The following NKAIN3 variants were observed in gnomAD, a reference collection of about 807,000 sequenced individuals.
NKAIN3 encodes the protein sodium/potassium-transporting ATPase subunit beta-1-interacting protein 3.
NKAIN3 carries 25 observed loss-of-function variants against 30.2 expected under a neutral mutation model. That is an observed-to-expected ratio of 0.83 (90% CI 0.60 to 1.16). NKAIN3 has a LOEUF of 1.16. Ranked by LOEUF, NKAIN3 falls within the 50% of genes most tolerant of loss-of-function variation. The pLI is 0.00. For missense variants in NKAIN3, 225 were observed against 254.1 expected (o/e 0.89, Z 0.78); for synonymous variants, 91 against 89.6 (o/e 1.02, Z -0.09).
At chr8:62,331,434 T>C (rs1815353061) in intron 1 of NKAIN3, among the ~76,000 whole-genome samples, 1 of 152,100 alleles carries the variant, frequency 6.6e-6, no homozygotes, top group Admixed American at 6.6e-5. Flanking sequence ...TCCAAACTCC[T>C]TGAAGGCAGG....
intron 1 of NKAIN3, among the ~76,000 whole-genome samples, chr8:62,438,922 G>A (rs1352410819): frequency 6.6e-6 from 1 of 152,136 alleles, no homozygotes. Context: ...ATCCTCACAG[G>A]GGCTGATTGA....
chr8:62,411,600 A>G (rs567620481), intron 1 of NKAIN3, among the ~76,000 whole-genome samples: 7 of 152,360 alleles, frequency 4.6e-5, no homozygotes, highest in Middle Eastern at 3.4e-3. Flanking sequence ...AAATAGGAAA[A>G]GAAGATGTCA....
chr8:62,546,111 C>T (rs1163073171), intron 1 of NKAIN3, among the ~76,000 whole-genome samples: 2 of 152,122 alleles, frequency 1.3e-5, no homozygotes, highest in Admixed American at 6.6e-5. Flanking sequence ...TTCTGGATAG[C>T]AGATGAAAAG....
chr8:62,366,184 A>G (rs1463057698), intron 1 of NKAIN3, among the ~76,000 whole-genome samples: 2 of 148,442 alleles, frequency 1.3e-5, no homozygotes, highest in Non-Finnish European at 3.0e-5. Context: ...AGTTTGTTGG[A>G]GTATAATTCT....
chr8:62,815,026 A>T (rs1490536481), intron 4 of NKAIN3, among the ~76,000 whole-genome samples: 2 of 152,146 alleles, frequency 1.3e-5, no homozygotes, highest in African/African-American at 4.8e-5. Flanking sequence ...ATAAAAAATG[A>T]TAAAGGGGAT....
At chr8:62,364,604 A>G (rs1047654648) in intron 1 of NKAIN3, among the ~76,000 whole-genome samples, 4 of 151,974 alleles carry the variant, frequency 2.6e-5, no homozygotes, top group Non-Finnish European at 4.4e-5. Context: ...GCACTTTGGG[A>G]GGCCGATGCG....
chr8:62,831,883 T>C (rs1232958847), intron 4 of NKAIN3, among the ~76,000 whole-genome samples: 2 of 152,130 alleles, frequency 1.3e-5, no homozygotes, highest in Non-Finnish European at 2.9e-5. Flanking sequence ...TGAGATGTTA[T>C]ACAAAGCAAG....
intron 1 of NKAIN3, among the ~76,000 whole-genome samples, chr8:62,450,807 G>T (rs917452318): frequency 1.3e-5 from 2 of 152,150 alleles, no homozygotes; most frequent in African/African-American, 2.4e-5. Flanking sequence ...AAAAAATGAT[G>T]AAATTCATAA....
intron 1 of NKAIN3, among the ~76,000 whole-genome samples, chr8:62,513,020 A>G (rs1747220592): frequency 6.6e-6 from 1 of 152,110 alleles, no homozygotes; most frequent in South Asian, 2.1e-4. Flanking sequence ...TTGCTTCCCT[A>G]CTGGCATCAT....
chr8:62,798,293 C>G (rs1817932662), intron 4 of NKAIN3, among the ~76,000 whole-genome samples: 1 of 152,062 alleles, frequency 6.6e-6, no homozygotes, highest in South Asian at 2.1e-4. Context: ...AAAAATAGGC[C>G]AGGCGTGGTG....
chr8:62,860,974 C>G (rs1315060995), intron 4 of NKAIN3, among the ~76,000 whole-genome samples: 2 of 152,344 alleles, frequency 1.3e-5, no homozygotes, highest in East Asian at 3.9e-4. Flanking sequence ...AATGCTTACT[C>G]AAGGCCTAAG....
intron 1 of NKAIN3, among the ~76,000 whole-genome samples, chr8:62,517,481 G>A (rs7834997): frequency 6.5e-4 from 99 of 152,174 alleles, no homozygotes; most frequent in African/African-American, 2.4e-3. Flanking sequence ...GACTTTGAAG[G>A]CAAAGAGAAT....
At chr8:62,715,977 G>A (rs1218432174) in intron 3 of NKAIN3, among the ~76,000 whole-genome samples, 1 of 152,168 alleles carries the variant, frequency 6.6e-6, no homozygotes, top group Non-Finnish European at 1.5e-5. Context: ...TAGAGAACAG[G>A]GAGCAAGGCA....
At chr8:62,787,887 C>A (rs998104020) in intron 4 of NKAIN3, among the ~76,000 whole-genome samples, 1 of 152,126 alleles carries the variant, frequency 6.6e-6, no homozygotes, top group African/African-American at 2.4e-5. Flanking sequence ...GCCTAGTATT[C>A]CATGGTGTAT....
chr8:62,260,396 C>T (rs1037788803), intron 1 of NKAIN3, among the ~76,000 whole-genome samples: 3 of 151,844 alleles, frequency 2.0e-5, no homozygotes, highest in African/African-American at 7.3e-5. Flanking sequence ...AATTCTTTAC[C>T]AAATTTGTAT....
intron 4 of NKAIN3, among the ~76,000 whole-genome samples, chr8:62,913,570 G>A (rs915405244): frequency 3.9e-5 from 6 of 152,188 alleles, no homozygotes; most frequent in Non-Finnish European, 7.3e-5. Flanking sequence ...CAATCTCTGT[G>A]CAGGATTTAG....
chr8:62,919,745 C>T (rs1251807038), intron 5 of NKAIN3, among the ~76,000 whole-genome samples: 1 of 152,056 alleles, frequency 6.6e-6, no homozygotes, highest in African/African-American at 2.4e-5. Flanking sequence ...TGAACGCTTC[C>T]CATCAAACAG....
intron 1 of NKAIN3, among the ~76,000 whole-genome samples, chr8:62,522,109 T>C (rs1045413807): frequency 2.6e-5 from 4 of 152,084 alleles, no homozygotes; most frequent in Middle Eastern, 3.2e-3. Context: ...TGAGGTTAGA[T>C]CTCATCATAT....
Position 62,979,328 on chromosome 8 carries a change from A to T in NKAIN3, c.*13921A>T, listed in dbSNP as rs5007413. ...CTTATTAAGCAATATCCCATGAAGT[A>T]GCTGAAAAGTGTTATATTCTCCTAA... is the stretch of plus-strand genomic sequence containing the variant. On this transcript the variant is annotated 3_prime_UTR_variant, in exon 7 of 7. Coordinates refer to ENST00000623646, the MANE Select transcript of NKAIN3 (RefSeq NM_001304533.3). The T allele has an allele frequency of 3.9e-5, 6 of 151,916 alleles. No individual in the cohort carries two copies. Among genetic ancestry groups the T allele is most frequent in the Non-Finnish European group, 7.4e-5 (5 of 67,980 alleles). 9.4% of individuals were successfully genotyped at this position (151,916 alleles called of 1,614,324 possible).
Sources: allele counts gnomAD v4.1 joint callset (sites outside exome capture counted in the v4.1 genomes callset), GRCh38; gene constraint gnomAD v4.1.1; transcripts MANE v1.5; gene names NCBI Gene and HGNC (gene_info 2026-07-23, HGNC 2026-07-21).